PCSK2: variants seen among roughly 807,000 people sequenced by gnomAD.
The protein encoded by PCSK2 is proprotein convertase subtilisin/kexin type 2.
PCSK2 carries 14 observed loss-of-function variants against 69.7 expected under a neutral mutation model. The observed-to-expected ratio is 0.20, with a 90% CI of 0.13 to 0.31. The LOEUF (loss-of-function observed/expected upper bound fraction) is 0.31, where lower values mean the gene tolerates loss of function less well. PCSK2 is among the 10% of genes least tolerant of loss of function. The pLI is 1.00. For synonymous variants in PCSK2, 307 were observed against 320.7 expected (o/e 0.96, Z 0.46); for missense variants, 544 against 842.5 (o/e 0.65, Z 4.39).
chr20:17,359,427 C>T (rs971995120), intron 3 of PCSK2, among the ~76,000 whole-genome samples: 10 of 152,210 alleles, frequency 6.6e-5, no homozygotes, highest in South Asian at 4.1e-4. Context: ...TTTTGCTACA[C>T]GACTAATGCT....
intron 1 of PCSK2, among the ~76,000 whole-genome samples, chr20:17,256,995 CCA>C (rs1987200464): frequency 6.6e-6 from 1 of 152,058 alleles, no homozygotes; most frequent in Non-Finnish European, 1.5e-5. Flanking sequence ...TGTATATATG[CCA>C]CATTTTCTTT....
At position 17,274,072 on chromosome 20, in the gene PCSK2, C is replaced by T. The variant is rs1033101914; in HGVS notation, c.282+13728C>T. On this transcript the variant is annotated intron_variant, in intron 2 of 11. Transcript: ENST00000262545. ...CTCCCATGTGCTCAGGAAGGAGAGA[C>T]AAACTGGATTTGGGGAGCAGTAGAA... 3.3e-5 allele frequency among the ~76,000 whole-genome samples: 5 copies of T among 152,110 alleles called. No individual in the cohort carries two copies. In the East Asian group the frequency reaches 9.7e-4, roughly 29 times the overall value.
At chr20:17,299,316 A>G (rs1989002140) in intron 2 of PCSK2, among the ~76,000 whole-genome samples, 1 of 152,172 alleles carries the variant, frequency 6.6e-6, no homozygotes, top group Non-Finnish European at 1.5e-5. Flanking sequence ...TGCTACTTTT[A>G]TGGTGTACCA....
intron 6 of PCSK2, among the ~76,000 whole-genome samples, chr20:17,415,745 A>G (rs1251552105): frequency 6.6e-6 from 1 of 152,224 alleles, no homozygotes; most frequent in African/African-American, 2.4e-5. Flanking sequence ...TGCCAAAAGA[A>G]CAAAGCTGGA....
intron 10 of PCSK2, among the ~76,000 whole-genome samples, chr20:17,457,815 G>A (rs6131957): frequency 0.078 from 11,847 of 152,268 alleles, 579 homozygotes; most frequent in East Asian, 0.17. Flanking sequence ...CTCCAAAAGC[G>A]AGAAGGGTTT....
Position 17,336,927 on chromosome 20 carries a change from G to A in PCSK2, c.283-21400G>A, listed in dbSNP as rs1040512655. ...TTATACCCTTGGAAATGACAACAAT[G>A]TTCTGTCTTAGTCTGTGTCAGAGAT... On this transcript the variant is annotated intron_variant, in intron 2 of 11. Coordinates refer to ENST00000262545, the MANE Select transcript of PCSK2 (RefSeq NM_002594.5). Among the ~76,000 whole-genome samples the A allele has an allele frequency of 2.0e-5, 3 of 152,290 alleles. No homozygotes were observed. The East Asian group carries it at 5.8e-4, about 29-fold the overall frequency.
intron 5 of PCSK2, among the ~76,000 whole-genome samples, chr20:17,392,875 T>C (rs1387716465): frequency 1.3e-5 from 2 of 151,960 alleles, no homozygotes; most frequent in Non-Finnish European, 2.9e-5. Context: ...ATAAAATCGT[T>C]ATATACATCT....
intron 2 of PCSK2, among the ~76,000 whole-genome samples, chr20:17,323,457 C>T (rs181283191): frequency 2.0e-5 from 3 of 152,278 alleles, no homozygotes; most frequent in African/African-American, 7.2e-5. Context: ...TCTCACAGCC[C>T]TAGCAAACTA....
intron 11 of PCSK2, among the ~76,000 whole-genome samples, chr20:17,472,413 G>C (rs929171882): frequency 6.6e-6 from 1 of 152,186 alleles, no homozygotes; most frequent in African/African-American, 2.4e-5. Flanking sequence ...ATGCCCACCT[G>C]ACTCTGCTAC....
intron 10 of PCSK2, among the ~76,000 whole-genome samples, chr20:17,462,521 C>A (rs1348059397): frequency 1.3e-5 from 2 of 152,192 alleles, no homozygotes; most frequent in Non-Finnish European, 2.9e-5. Context: ...ACAGAGGCTC[C>A]ACTGATGCCT....
At chr20:17,449,144 G>C (rs983956617) in intron 8 of PCSK2, among the ~76,000 whole-genome samples, 1 of 152,128 alleles carries the variant, frequency 6.6e-6, no homozygotes, top group African/African-American at 2.4e-5. Context: ...CCACTTCCCA[G>C]AGCACTGGGA....
At chr20:17,268,590 G>A (rs1010889003) in intron 2 of PCSK2, among the ~76,000 whole-genome samples, 7 of 152,150 alleles carry the variant, frequency 4.6e-5, no homozygotes, top group African/African-American at 1.4e-4. Flanking sequence ...GCAAGAATGC[G>A]AGTAAAGCTG....
intron 1 of PCSK2, among the ~76,000 whole-genome samples, chr20:17,235,584 A>G (rs920843158): frequency 6.6e-6 from 1 of 152,208 alleles, no homozygotes; most frequent in Non-Finnish European, 1.5e-5. Flanking sequence ...TCATTAGAGA[A>G]AAAAGTTTTG....
At chr20:17,289,646 A>G (rs1988629268) in intron 2 of PCSK2, among the ~76,000 whole-genome samples, 1 of 152,128 alleles carries the variant, frequency 6.6e-6, no homozygotes, top group Non-Finnish European at 1.5e-5. Context: ...AATTACCCAT[A>G]CCCAAAGCTA....
In PCSK2 at chr20:17,347,952, GAAAGAAAGAGAAAGAA is replaced by G. The variant is rs751655531; in HGVS notation, c.283-10373_283-10358del. ...GAAAAAAGAGAAAGAAAGAAAGAAA[GAAAGAAAGAGAAAGAA>G]AGAAAGAAAGAAAGAGGAGAGAGAA... On this transcript the variant is annotated intron_variant, in intron 2 of 11. Coordinates refer to ENST00000262545, the MANE Select transcript of PCSK2 (RefSeq NM_002594.5). 6.0e-3 allele frequency among the ~76,000 whole-genome samples: 348 copies of G among 58,216 alleles called. 25 individuals are homozygous for G. Among genetic ancestry groups the G allele is most frequent in the Middle Eastern group, 0.021 (2 of 96 alleles). The allele number at this position is 58,216 out of a possible 152,430, so 38.2% of individuals were successfully genotyped here.
intron 11 of PCSK2, among the ~76,000 whole-genome samples, chr20:17,476,796 G>A (rs1687798294): frequency 6.6e-6 from 1 of 152,156 alleles, no homozygotes; most frequent in Non-Finnish European, 1.5e-5. Flanking sequence ...TTTTGTTTCT[G>A]ATCTTGTTCT....
intron 7 of PCSK2, among the ~76,000 whole-genome samples, chr20:17,430,279 A>T (rs554625169): frequency 6.6e-6 from 1 of 152,312 alleles, no homozygotes; most frequent in East Asian, 1.9e-4. Flanking sequence ...TTTCAACGAG[A>T]TGTCTGAGAA....
intron 11 of PCSK2, 117 bp downstream of exon 11, chr20:17,465,670 T>C (rs2033089583): frequency 2.8e-6 from 2 of 713,656 alleles, no homozygotes; most frequent in Admixed American, 5.9e-5. Context: ...ATTTTTTGTT[T>C]GTTTGTTTGT....
intron 2 of PCSK2, among the ~76,000 whole-genome samples, chr20:17,338,541 A>G (rs1383256476): frequency 6.6e-6 from 1 of 152,076 alleles, no homozygotes; most frequent in Non-Finnish European, 1.5e-5. Flanking sequence ...TTTTCAAGTG[A>G]ACTTTTTGCC....
Sources: allele counts gnomAD v4.1 joint callset (sites outside exome capture counted in the v4.1 genomes callset), GRCh38; gene constraint gnomAD v4.1.1; transcripts MANE v1.5; gene names NCBI Gene and HGNC (gene_info 2026-07-23, HGNC 2026-07-21).